ABLIM1: variants seen among roughly 807,000 people sequenced by gnomAD.
ABLIM1 encodes actin-binding LIM protein 1.
A neutral mutation model predicts 107.0 loss-of-function variants in ABLIM1; 40 were observed. That is an observed-to-expected ratio of 0.37 (90% confidence interval 0.29 to 0.49). The LOEUF (loss-of-function observed/expected upper bound fraction) is 0.49, where lower values mean the gene tolerates loss of function less well. Among genes scored for constraint, ABLIM1 ranks in the 20% least tolerant of loss-of-function variants. The pLI is 0.97. For synonymous variants in ABLIM1, 357 were observed against 357.3 expected (o/e 1.00, Z 0.01); for missense variants, 857 against 1,008.5 (o/e 0.85, Z 2.04).
At chr10:114,482,122 G>A (rs575163351) in intron 8 of ABLIM1, among the ~76,000 whole-genome samples, 2 of 152,302 alleles carry the variant, frequency 1.3e-5, no homozygotes, top group East Asian at 3.9e-4. Context: ...TACAGACTTG[G>A]TCCTGGGAAT....
At chr10:114,502,359 T>C (rs80180774) in intron 6 of ABLIM1, 1,775 of 152,622 alleles carry the variant, frequency 0.012, 12 homozygotes, top group Non-Finnish European at 0.019. Flanking sequence ...TTTTTTCTTT[T>C]CTTCACCAGC....
intron 14 of ABLIM1, among the ~76,000 whole-genome samples, chr10:114,448,909 C>T (rs758470505): frequency 6.6e-6 from 1 of 152,202 alleles, no homozygotes; most frequent in Non-Finnish European, 1.5e-5. Context: ...CACACCCTGT[C>T]TGGTCCACTT....
At chr10:114,566,288 A>C (rs540727030) in intron 4 of ABLIM1, among the ~76,000 whole-genome samples, 1 of 152,276 alleles carries the variant, frequency 6.6e-6, no homozygotes, top group East Asian at 1.9e-4. Flanking sequence ...ACACCCTTTG[A>C]CATGGAAAGG....
At chr10:114,480,492 G>A (rs976095565) in intron 8 of ABLIM1, among the ~76,000 whole-genome samples, 5 of 152,144 alleles carry the variant, frequency 3.3e-5, no homozygotes, top group African/African-American at 7.2e-5. Context: ...AAACCAACTC[G>A]AAAGTGCAGT....
At chr10:114,785,099 G>A in the ABLIM1 span, among the ~76,000 whole-genome samples, 6 of 152,268 alleles carry the variant, frequency 3.9e-5, no homozygotes, top group South Asian at 2.1e-4. Flanking sequence ...GTGCCACCTC[G>A]TACAAAGTTT....
At chr10:114,719,055 T>C (rs982249737) in intron 1 of ABLIM1, among the ~76,000 whole-genome samples, 5 of 152,146 alleles carry the variant, frequency 3.3e-5, no homozygotes, top group African/African-American at 1.2e-4. Flanking sequence ...CCAACCGTCA[T>C]AGGGTAAACC....
chr10:114,485,858 G>C (rs1014430920), intron 8 of ABLIM1, among the ~76,000 whole-genome samples: 1 of 152,222 alleles, frequency 6.6e-6, no homozygotes, highest in African/African-American at 2.4e-5. Flanking sequence ...CTCAAGATTT[G>C]TGATGTGTAG....
chr10:114,599,988 C>T (rs2075823022), intron 2 of ABLIM1, among the ~76,000 whole-genome samples: 1 of 152,058 alleles, frequency 6.6e-6, no homozygotes, highest in African/African-American at 2.4e-5. Flanking sequence ...CATTTTTTCT[C>T]TGACATACCC....
chr10:114,766,060 C>T (rs2082885003), intron 1 of ABLIM1, among the ~76,000 whole-genome samples: 1 of 152,186 alleles, frequency 6.6e-6, no homozygotes, highest in African/African-American at 2.4e-5. Context: ...TGATCAGAAT[C>T]AGACAGATTT....
intron 1 of ABLIM1, among the ~76,000 whole-genome samples, chr10:114,682,062 T>A (rs533168866): frequency 6.6e-6 from 1 of 152,356 alleles, no homozygotes; most frequent in South Asian, 2.1e-4. Context: ...ATAAGTCTTG[T>A]AAAATCCCAA....
At position 114,444,120 on chromosome 10, in the gene ABLIM1, C is replaced by T. The variant is rs2060651615; in HGVS notation, c.1842G>A (p.Leu614=). ...EEQLMKLNSG[L]GQLILKEEME... Reference sequence around the variant, plus strand: ...TCTCTTCTTTCAAGATCAACTGTCCCAGGCCTGAGTTAAGCTATTCACAGA... The same window carrying T: ...TCTCTTCTTTCAAGATCAACTGTCCTAGGCCTGAGTTAAGCTATTCACAGA... Residue 614 remains leucine (L), a synonymous_variant, in exon 17 of 23, where the codon CTG becomes CTA. Transcript: ENST00000533213. The T allele has an allele frequency of 6.2e-7, 1 of 1,601,100 alleles. No homozygotes were observed. The highest frequency in any genetic ancestry group is 1.4e-5 in the African/African-American group (1 of 73,002).
chr10:114,762,483 C>T (rs749991644), intron 1 of ABLIM1, among the ~76,000 whole-genome samples: 12 of 152,112 alleles, frequency 7.9e-5, no homozygotes, highest in Non-Finnish European at 1.5e-4. Flanking sequence ...AATCTATGTC[C>T]CTGACTCCAA....
chr10:114,742,403 GA>G (rs1389058529), intron 1 of ABLIM1, among the ~76,000 whole-genome samples: 2 of 152,168 alleles, frequency 1.3e-5, no homozygotes, highest in African/African-American at 4.8e-5. Flanking sequence ...AAAGAGGGAA[GA>G]TGCAATTGAT....
intron 10 of ABLIM1, among the ~76,000 whole-genome samples, chr10:114,472,323 T>C (rs1251120374): frequency 6.6e-6 from 1 of 152,136 alleles, no homozygotes; most frequent in Non-Finnish European, 1.5e-5. Flanking sequence ...ACTCCTGGCC[T>C]GAAGCAATCC....
chr10:114,541,682 GAA>G (rs2066676751), intron 6 of ABLIM1, among the ~76,000 whole-genome samples: 1 of 152,210 alleles, frequency 6.6e-6, no homozygotes, highest in Non-Finnish European at 1.5e-5. Context: ...GCCCCGCATG[GAA>G]AGTCTCCAAG....
chr10:114,635,404 C>G lies in ABLIM1; in HGVS notation c.244+22553G>C, dbSNP rs536092204. The stretch of plus-strand genomic sequence containing the variant: ...AGTCCACTTCCTCATAGCTTATTCT[C>G]CTCTACAGAGCCATGGGTCACTTAC... On this transcript the variant is annotated intron_variant, in intron 1 of 22. Transcript: ENST00000533213. 3.8e-4 allele frequency among the ~76,000 whole-genome samples: 58 copies of G among 152,362 alleles called. 2 individuals carry two copies. The South Asian group carries it at 0.011, about 30-fold the overall frequency.
chr10:114,753,100 T>C (rs2082553241), intron 1 of ABLIM1, among the ~76,000 whole-genome samples: 1 of 152,196 alleles, frequency 6.6e-6, no homozygotes, highest in African/African-American at 2.4e-5. Flanking sequence ...TTAAATGAAG[T>C]GAGGGGGAGT....
chr10:114,483,284 T>A (rs2057665352), intron 8 of ABLIM1, among the ~76,000 whole-genome samples: 1 of 152,158 alleles, frequency 6.6e-6, no homozygotes, highest in Non-Finnish European at 1.5e-5. Context: ...TTTTGGTTTT[T>A]TTTTGAGACA....
chr10:114,486,032 C>T (rs904868853), intron 8 of ABLIM1, among the ~76,000 whole-genome samples: 10 of 152,142 alleles, frequency 6.6e-5, no homozygotes, highest in African/African-American at 2.2e-4. Flanking sequence ...TGACCTCCCA[C>T]GTAGTGAATG....
Sources: gnomAD v4.1 joint callset for allele counts (sites outside exome capture counted in the v4.1 genomes callset) on GRCh38, gnomAD v4.1.1 for gene constraint, MANE v1.5 for transcripts, NCBI Gene and HGNC (gene_info 2026-07-23, HGNC 2026-07-21) for gene names.